Variants in NBAS observed in about 807,000 individuals in gnomAD.
NBAS encodes NBAS subunit of NRZ tethering complex.
NBAS carries 219 observed loss-of-function variants against 302.5 expected under a neutral mutation model. That is an observed-to-expected ratio of 0.72 (90% CI 0.65 to 0.81). NBAS has a LOEUF of 0.81. NBAS is among the 30% of genes least tolerant of loss of function. The probability of loss-of-function intolerance (pLI) is 0.00; values close to 1 mark genes in which losing one functional copy is unlikely to be tolerated. For synonymous variants in NBAS, 1,118 were observed against 1,021.6 expected, an observed-to-expected ratio of 1.09 and a Z score of -1.80; for missense variants, 2,932 against 2,841.6, an observed-to-expected ratio of 1.03 and a Z score of -0.72.
chr2:15,437,325 AAG>A (rs141961775), intron 21 of NBAS, among the ~76,000 whole-genome samples: 5 of 151,732 alleles, frequency 3.3e-5, no homozygotes, highest in Non-Finnish European at 7.4e-5. Context: ...TTGAAAGAGA[AAG>A]AGAGAGAGAG....
chr2:14,985,243 G>A, the NBAS span, among the ~76,000 whole-genome samples: 1 of 152,122 alleles, frequency 6.6e-6, no homozygotes, highest in South Asian at 2.1e-4. Flanking sequence ...GTCCTATAAT[G>A]AGAAGAGGGA....
chr2:15,243,341 C>T (rs1667946437), intron 44 of NBAS, among the ~76,000 whole-genome samples: 1 of 152,076 alleles, frequency 6.6e-6, no homozygotes, highest in South Asian at 2.1e-4. Context: ...CCTTTTTTAA[C>T]CACAACAATT....
intron 25 of NBAS, among the ~76,000 whole-genome samples, chr2:15,411,499 G>A (rs1676684488): frequency 6.6e-6 from 1 of 152,050 alleles, no homozygotes; most frequent in African/African-American, 2.4e-5. Flanking sequence ...TCTAGTCAAT[G>A]ATATTGCCAG....
chr2:14,935,521 A>G, the NBAS span, among the ~76,000 whole-genome samples: 1 of 152,096 alleles, frequency 6.6e-6, no homozygotes, highest in Non-Finnish European at 1.5e-5. Flanking sequence ...AGTAATTCTT[A>G]GTTTTCCATG....
the NBAS span, among the ~76,000 whole-genome samples, chr2:15,153,326 T>G: frequency 3.3e-5 from 5 of 152,228 alleles, no homozygotes; most frequent in Non-Finnish European, 5.9e-5. Flanking sequence ...CAATGTGCTT[T>G]GAGGTGGACA....
intron 35 of NBAS, among the ~76,000 whole-genome samples, chr2:15,347,409 A>G (rs1405619752): frequency 2.0e-5 from 3 of 152,226 alleles, no homozygotes. Flanking sequence ...ATGTCCACCA[A>G]CTGGTGAATG....
chr2:15,507,276 G>T (rs1466807935), intron 10 of NBAS, among the ~76,000 whole-genome samples: 1 of 152,118 alleles, frequency 6.6e-6, no homozygotes, highest in African/African-American at 2.4e-5. Flanking sequence ...ACAGCTGCTG[G>T]CAGGGTGTGG....
At chr2:14,917,862 A>G in the NBAS span, among the ~76,000 whole-genome samples, 1 of 152,190 alleles carries the variant, frequency 6.6e-6, no homozygotes, top group East Asian at 1.9e-4. Flanking sequence ...TTGGAGCTGG[A>G]AAGTTCACAT....
At chr2:15,480,929 C>T (rs1680404076) in intron 12 of NBAS, among the ~76,000 whole-genome samples, 1 of 152,154 alleles carries the variant, frequency 6.6e-6, no homozygotes, top group Admixed American at 6.5e-5. Context: ...ACTTCCAAAA[C>T]ACTTCTATCA....
At chr2:15,047,031 GT>G in the NBAS span, among the ~76,000 whole-genome samples, 1 of 152,198 alleles carries the variant, frequency 6.6e-6, no homozygotes, top group African/African-American at 2.4e-5. Context: ...TACACTCTAG[GT>G]TTCTGAGCAG....
chr2:15,092,707 A>C, the NBAS span, among the ~76,000 whole-genome samples: 1 of 152,196 alleles, frequency 6.6e-6, no homozygotes, highest in Non-Finnish European at 1.5e-5. Context: ...TTCACGGATA[A>C]TTAGTCCGAA....
the NBAS span, among the ~76,000 whole-genome samples, chr2:15,093,061 C>A: frequency 6.6e-6 from 1 of 152,206 alleles, no homozygotes; most frequent in Non-Finnish European, 1.5e-5. Flanking sequence ...CGTGAGCCTG[C>A]TCTGGCACCT....
At chr2:15,312,112 C>T (rs894024779) in intron 38 of NBAS, among the ~76,000 whole-genome samples, 2 of 152,194 alleles carry the variant, frequency 1.3e-5, no homozygotes, top group African/African-American at 4.8e-5. Context: ...GCTTCAAGGA[C>T]ACTGAGTTCT....
the NBAS span, among the ~76,000 whole-genome samples, chr2:14,990,080 T>C: frequency 6.6e-6 from 1 of 152,136 alleles, no homozygotes; most frequent in East Asian, 1.9e-4. Context: ...TATCTTCTGA[T>C]GAATTTTAAA....
chr2:15,228,789 G>A (rs908655855), intron 47 of NBAS, among the ~76,000 whole-genome samples: 1 of 152,212 alleles, frequency 6.6e-6, no homozygotes, highest in African/African-American at 2.4e-5. Flanking sequence ...ATGGAAGTGA[G>A]AGTAGATTGG....
the NBAS span, among the ~76,000 whole-genome samples, chr2:14,856,602 A>T: frequency 1.3e-5 from 2 of 152,208 alleles, no homozygotes; most frequent in Non-Finnish European, 2.9e-5. Context: ...TAACAAAGAG[A>T]CTGAAATAAT....
At chr2:15,111,208 G>A in the NBAS span, among the ~76,000 whole-genome samples, 1 of 152,088 alleles carries the variant, frequency 6.6e-6, no homozygotes, top group Non-Finnish European at 1.5e-5. Context: ...TGTAGTATAA[G>A]ATTTTGGGAA....
At chr2:15,161,006 G>A in the NBAS span, among the ~76,000 whole-genome samples, 1 of 152,158 alleles carries the variant, frequency 6.6e-6, no homozygotes, top group Non-Finnish European at 1.5e-5. Context: ...CTCTGGCTGT[G>A]GTCAATCCTT....
the NBAS span, among the ~76,000 whole-genome samples, chr2:14,800,785 G>GTTTTTTTTTTTTTTTTTTT: frequency 6.2e-5 from 8 of 129,526 alleles, 1 homozygote; most frequent in Non-Finnish European, 4.8e-5. Flanking sequence ...GATTTAAATT[G>GTTTTTTTTTTTTTTTTTTT]TTTTTGTTTT....
Sources: allele counts gnomAD v4.1 joint callset (sites outside exome capture counted in the v4.1 genomes callset), GRCh38; gene constraint gnomAD v4.1.1; transcripts MANE v1.5; gene names NCBI Gene and HGNC (gene_info 2026-07-23, HGNC 2026-07-21).